ROBO2: variants seen among roughly 807,000 people sequenced by gnomAD.
The protein encoded by ROBO2 is roundabout guidance receptor 2.
Under a neutral mutation model 160.8 loss-of-function variants are expected in ROBO2, and 53 were observed. That is an observed-to-expected ratio of 0.33 (90% CI 0.26 to 0.41). The LOEUF (loss-of-function observed/expected upper bound fraction) is 0.41, where lower values mean the gene tolerates loss of function less well. Among genes scored for constraint, ROBO2 ranks in the 10% least tolerant of loss-of-function variants. The pLI is 1.00. For synonymous variants in ROBO2, 664 were observed against 611.7 expected (o/e 1.09, Z -1.26); for missense variants, 1,577 against 1,722.4 (o/e 0.92, Z 1.49).
chr3:76,091,454 G>GGACC (rs1273067267), intron 2 of ROBO2, among the ~76,000 whole-genome samples: 1 of 152,164 alleles, frequency 6.6e-6, no homozygotes, highest in African/African-American at 2.4e-5. Context: ...GGGAGCAACA[G>GGACC]GACCTCTCAT....
At chr3:77,350,070 A>AT (rs202039515) in intron 2 of ROBO2, among the ~76,000 whole-genome samples, 51,467 of 148,304 alleles carry the variant, frequency 0.35, 9,156 homozygotes, top group Non-Finnish European at 0.38. Flanking sequence ...ACATTAAAAA[A>AT]AAATATATAT....
At chr3:77,574,654 A>C (rs774122765) in exon 14 of ROBO2, 8 of 1,613,288 alleles carry the variant, frequency 5.0e-6, no homozygotes, top group Non-Finnish European at 6.8e-6. Context: ...TGACTTATGA[A>C]ATTAAAGTAC....
At chr3:76,596,165 A>G (rs781291982) in intron 2 of ROBO2, among the ~76,000 whole-genome samples, 2 of 152,182 alleles carry the variant, frequency 1.3e-5, no homozygotes, top group Non-Finnish European at 2.9e-5. Context: ...CCTGAGAATA[A>G]GTACCAAAAA....
chr3:76,322,203 T>TATATATAA (rs1349372355), intron 2 of ROBO2, among the ~76,000 whole-genome samples: 2 of 116,078 alleles, frequency 1.7e-5, no homozygotes, highest in Non-Finnish European at 1.8e-5. Flanking sequence ...TATATATATA[T>TATATATAA]AATATACACA....
At chr3:77,222,185 T>A (rs1218507765) in intron 2 of ROBO2, among the ~76,000 whole-genome samples, 1 of 152,154 alleles carries the variant, frequency 6.6e-6, no homozygotes, top group African/African-American at 2.4e-5. Flanking sequence ...TACTTTACCC[T>A]CCTGTCCAAA....
At chr3:76,876,662 G>A (rs1225157076) in intron 2 of ROBO2, among the ~76,000 whole-genome samples, 2 of 151,442 alleles carry the variant, frequency 1.3e-5, no homozygotes, top group African/African-American at 4.9e-5. Flanking sequence ...GTGACAGAAT[G>A]AGACTCTGTC....
chr3:77,038,849 C>A (rs926621643), upstream of ROBO2, among the ~76,000 whole-genome samples: 3 of 152,200 alleles, frequency 2.0e-5, no homozygotes, highest in African/African-American at 7.2e-5. Flanking sequence ...AATTCGGCTT[C>A]TTTTTGAGCT....
rs114727061 is a variant in ROBO2, at chr3:76,158,779, G to A, written c.109+221177G>A. Among the ~76,000 whole-genome samples the A allele has an allele frequency of 2.5e-3, 386 of 152,200 alleles. 3 individuals carry two copies. The highest frequency in any genetic ancestry group is 8.9e-3 in the African/African-American group (368 of 41,510). Reference sequence around the variant, plus strand: ...CAAGCTACCCTTATTTGTAGACTCTGGGATTCTTTTCCTGATAAGGCTAAT... The same window carrying A: ...CAAGCTACCCTTATTTGTAGACTCTAGGATTCTTTTCCTGATAAGGCTAAT... On this transcript the variant is annotated intron_variant, in intron 2 of 26. Coordinates refer to the ROBO2 transcript ENST00000487694.
At chr3:76,934,531 A>T (rs2077563698) in intron 2 of ROBO2, among the ~76,000 whole-genome samples, 1 of 152,040 alleles carries the variant, frequency 6.6e-6, no homozygotes, top group African/African-American at 2.4e-5. Flanking sequence ...TCACGAGGTC[A>T]AGAGATCGAT....
At chr3:77,246,612 C>A (rs527899881) in intron 2 of ROBO2, among the ~76,000 whole-genome samples, 1 of 152,254 alleles carries the variant, frequency 6.6e-6, no homozygotes, top group South Asian at 2.1e-4. Context: ...CTTCAGCATG[C>A]TCCAGGGACT....
chr3:77,277,280 C>G (rs139092539), intron 2 of ROBO2, among the ~76,000 whole-genome samples: 44 of 145,298 alleles, frequency 3.0e-4, no homozygotes, highest in African/African-American at 1.0e-3. Context: ...TTTTAGAGTT[C>G]ATTGCATTTT....
chr3:77,058,751 T>A (rs2065999735), intron 1 of ROBO2, among the ~76,000 whole-genome samples: 2 of 151,988 alleles, frequency 1.3e-5, no homozygotes, highest in Non-Finnish European at 2.9e-5. Context: ...TTGCCCAGGC[T>A]GGTCTCCAAC....
At chr3:76,646,287 A>C (rs528864072) in intron 2 of ROBO2, among the ~76,000 whole-genome samples, 6 of 152,300 alleles carry the variant, frequency 3.9e-5, no homozygotes, top group Admixed American at 3.9e-4. Context: ...AGTGACGGGA[A>C]AGAAAGCCAA....
intron 17 of ROBO2, among the ~76,000 whole-genome samples, chr3:77,589,918 T>C (rs1289961845): frequency 1.3e-5 from 2 of 152,174 alleles, no homozygotes; most frequent in South Asian, 2.1e-4. Context: ...CAATCTTGTA[T>C]TCCTAATATT....
chr3:76,388,694 C>CT (rs2077009140), intron 2 of ROBO2, among the ~76,000 whole-genome samples: 1 of 152,134 alleles, frequency 6.6e-6, no homozygotes, highest in Middle Eastern at 3.4e-3. Flanking sequence ...AGCTCTAGAT[C>CT]TTTTTTTCAA....
intron 16 of ROBO2, among the ~76,000 whole-genome samples, chr3:77,581,834 AAAC>A (rs1371275808): frequency 6.6e-6 from 1 of 152,196 alleles, no homozygotes; most frequent in Non-Finnish European, 1.5e-5. Context: ...TAATTACTAA[AAAC>A]AGTCTGGAAA....
intron 21 of ROBO2, among the ~76,000 whole-genome samples, chr3:77,608,449 T>C (rs946517040): frequency 3.3e-5 from 5 of 152,164 alleles, no homozygotes; most frequent in African/African-American, 1.2e-4. Flanking sequence ...GATGGGAATT[T>C]AGGGGCCAGA....
chr3:77,529,278 C>A (rs968615164), intron 6 of ROBO2, among the ~76,000 whole-genome samples: 8 of 151,262 alleles, frequency 5.3e-5, no homozygotes, highest in African/African-American at 1.7e-4. Context: ...AACTTTGCAA[C>A]CTTATTTAGA....
At chr3:76,266,039 A>T (rs1429741473) in intron 2 of ROBO2, among the ~76,000 whole-genome samples, 1 of 152,158 alleles carries the variant, frequency 6.6e-6, no homozygotes, top group African/African-American at 2.4e-5. Context: ...TTTTCAACTA[A>T]AAGGATAAAA....
Sources: allele counts gnomAD v4.1 joint callset (sites outside exome capture counted in the v4.1 genomes callset), GRCh38; gene constraint gnomAD v4.1.1; transcripts MANE v1.5; gene names NCBI Gene and HGNC (gene_info 2026-07-23, HGNC 2026-07-21).